PLXNA4: variants seen among roughly 807,000 people sequenced by gnomAD.
PLXNA4 encodes plexin A4, also known as plexin-A4.
A neutral mutation model predicts 191.8 loss-of-function variants in PLXNA4; 44 were observed. The observed-to-expected ratio is 0.23, with a 90% CI of 0.18 to 0.29. The LOEUF is 0.29. PLXNA4 is among the 10% of genes least tolerant of loss of function. PLXNA4 has a pLI of 1.00. For missense variants in PLXNA4, 1,800 were observed against 2,488.8 expected, an observed-to-expected ratio of 0.72 and a Z score of 5.89; for synonymous variants, 1,082 against 1,009.5, an observed-to-expected ratio of 1.07 and a Z score of -1.36.
At chr7:132,597,859 C>CTCTATG (rs10660880) in intron 2 of PLXNA4, among the ~76,000 whole-genome samples, 1 of 145,278 alleles carries the variant, frequency 6.9e-6, no homozygotes, top group Non-Finnish European at 1.5e-5. Context: ...CTCTCTCTCT[C>CTCTATG]TATATATATA....
At chr7:132,452,526 A>G (rs1311678091) in intron 3 of PLXNA4, among the ~76,000 whole-genome samples, 1 of 152,208 alleles carries the variant, frequency 6.6e-6, no homozygotes, top group African/African-American at 2.4e-5. Flanking sequence ...CTAGTCTCGC[A>G]TCTCTCCCTG....
At chr7:132,576,595 A>G, upstream of PLXNA4, 1 of 985,944 alleles carries the variant, frequency 1.0e-6, no homozygotes, top group Non-Finnish European at 1.2e-6. The surrounding 1 kb of genome is among the most constrained non-coding windows in gnomAD (Gnocchi z 5.8). Flanking sequence ...GGAAGCCGGG[A>G]GCAGCCGAGG....
chr7:132,180,501 C>T, intron 19 of PLXNA4, 85 bp downstream of exon 19: 1 of 1,574,770 alleles, frequency 6.4e-7, no homozygotes, highest in Non-Finnish European at 8.7e-7. Context: ...GGACAGAATC[C>T]CCTCTTGGAA....
intron 3 of PLXNA4, among the ~76,000 whole-genome samples, chr7:132,426,506 G>C (rs1490691930): frequency 6.6e-6 from 1 of 152,204 alleles, no homozygotes; most frequent in African/African-American, 2.4e-5. Flanking sequence ...GGCAGCAGCA[G>C]GTGTTTGCAT....
Position 132,216,066 on chromosome 7 carries a change from C to G in PLXNA4, c.2098-4923G>C, listed in dbSNP as rs528347904. Among the ~76,000 whole-genome samples, 7 of 152,284 alleles carry G rather than the reference C, an allele frequency of 4.6e-5. No homozygotes were observed. In the South Asian group the frequency reaches 6.2e-4, roughly 14 times the overall value. On this transcript the variant is annotated intron_variant, in intron 9 of 31. Coordinates refer to ENST00000321063, the MANE Select transcript of PLXNA4 (RefSeq NM_020911.2). ...AATTGGCATCTGAAGTGGAGACAGT[C>G]TTTTGGGACTCAGCCCTTTAACTTG...
intron 1 of PLXNA4, among the ~76,000 whole-genome samples, chr7:132,514,827 CAT>C (rs1246225248): frequency 1.7e-4 from 25 of 149,456 alleles, no homozygotes; most frequent in Admixed American, 6.0e-4. Context: ...CACACACACA[CAT>C]CCTCTTGGTT....
At chr7:132,166,970 C>A (rs1355295089) in intron 22 of PLXNA4, among the ~76,000 whole-genome samples, 1 of 152,170 alleles carries the variant, frequency 6.6e-6, no homozygotes, top group Non-Finnish European at 1.5e-5. Context: ...AAAGCCAAAT[C>A]TATCTGCTGG....
At chr7:132,454,971 T>C (rs1193042126) in intron 3 of PLXNA4, among the ~76,000 whole-genome samples, 1 of 152,214 alleles carries the variant, frequency 6.6e-6, no homozygotes, top group African/African-American at 2.4e-5. Context: ...TCCTTCAGCA[T>C]CCTCGATGGG....
At chr7:132,372,013 T>C (rs1015143832) in intron 3 of PLXNA4, among the ~76,000 whole-genome samples, 1 of 152,238 alleles carries the variant, frequency 6.6e-6, no homozygotes. Flanking sequence ...GGCCATCGCC[T>C]CTAGATTGAC....
At chr7:132,638,198 T>C (rs1803647015) in intron 2 of PLXNA4, among the ~76,000 whole-genome samples, 1 of 152,230 alleles carries the variant, frequency 6.6e-6, no homozygotes, top group Admixed American at 6.5e-5. Context: ...TTTCCCCATA[T>C]CTGTCCCTCT....
intron 24 of PLXNA4, among the ~76,000 whole-genome samples, chr7:132,161,782 T>A (rs62469707): frequency 0.014 from 2,086 of 151,546 alleles, 32 homozygotes; most frequent in South Asian, 0.038. Flanking sequence ...CAGGTGGGCA[T>A]TTAGTGCTCT....
intron 24 of PLXNA4, among the ~76,000 whole-genome samples, 154 bp downstream of exon 24, chr7:132,163,988 T>C (rs774656208): frequency 1.3e-5 from 2 of 152,200 alleles, no homozygotes; most frequent in Non-Finnish European, 2.9e-5. Context: ...TCTGGGGTGA[T>C]GGACACAGCG....
intron 3 of PLXNA4, among the ~76,000 whole-genome samples, chr7:132,474,778 A>C (rs979228015): frequency 2.6e-5 from 4 of 152,164 alleles, no homozygotes; most frequent in Non-Finnish European, 5.9e-5. Context: ...CTGGGCTCAC[A>C]TGGCTGTTTG....
intron 3 of PLXNA4, among the ~76,000 whole-genome samples, chr7:132,452,059 C>T (rs2117306522): frequency 6.6e-6 from 1 of 152,364 alleles, no homozygotes; most frequent in Non-Finnish European, 1.5e-5. Context: ...TGGAAGGACA[C>T]ACAAGAGTTT....
At chr7:132,550,425 G>A (rs1225814113) in intron 1 of PLXNA4, among the ~76,000 whole-genome samples, 3 of 152,188 alleles carry the variant, frequency 2.0e-5, no homozygotes, top group Non-Finnish European at 4.4e-5. Flanking sequence ...CTTTGTGCTG[G>A]AAGGAATCTG....
chr7:132,198,844 A>G (rs1192233296), intron 12 of PLXNA4, among the ~76,000 whole-genome samples: 2 of 152,218 alleles, frequency 1.3e-5, no homozygotes, highest in African/African-American at 4.8e-5. Flanking sequence ...CACTAGGAGC[A>G]GTATGCAAAG....
At chr7:132,613,288 TCACGC>T (rs1312206727) in intron 2 of PLXNA4, among the ~76,000 whole-genome samples, 3 of 152,136 alleles carry the variant, frequency 2.0e-5, no homozygotes, top group Non-Finnish European at 4.4e-5. Flanking sequence ...AGCTGCCTCC[TCACGC>T]CACCAGCTTC....
chr7:132,484,769 T>G (rs781758813), intron 3 of PLXNA4: 2 of 1,610,400 alleles, frequency 1.2e-6, no homozygotes, highest in Middle Eastern at 1.9e-4. Context: ...TTCTGTGCTA[T>G]GAATATTTAT....
chr7:132,493,731 GTGGATGGGTGGATGGGTGGATGGATGGA>G (rs1797894776), intron 2 of PLXNA4, among the ~76,000 whole-genome samples: 1 of 136,186 alleles, frequency 7.3e-6, no homozygotes, highest in African/African-American at 2.7e-5. Context: ...GGGTGGATGG[GTGGATGGGTGGATGGGTGGATGGATGGA>G]TGGATGGATG....
Sources: gnomAD v4.1 joint callset for allele counts (sites outside exome capture counted in the v4.1 genomes callset) on GRCh38, gnomAD v4.1.1 for gene constraint, Gnocchi (gnomAD v3.1) non-coding constraint, MANE v1.5 for transcripts, NCBI Gene and HGNC (gene_info 2026-07-23, HGNC 2026-07-21) for gene names.